Variants in EYA3 observed in about 807,000 individuals in gnomAD.
EYA3 encodes the protein protein phosphatase EYA3.
A neutral mutation model predicts 80.0 loss-of-function variants in EYA3; 39 were observed. The observed-to-expected ratio is 0.49, with a 90% CI of 0.38 to 0.64. The LOEUF (loss-of-function observed/expected upper bound fraction) is 0.64. EYA3 is among the 30% of genes least tolerant of loss of function. The pLI, the probability that EYA3 is intolerant of heterozygous loss-of-function variation, is 0.00. For missense variants in EYA3, 523 were observed against 676.1 expected (o/e 0.77, Z 2.51); for synonymous variants, 206 against 232.8 (o/e 0.88, Z 1.05).
chr1:28,052,209 C>A (rs1557620392), intron 2 of EYA3, among the ~76,000 whole-genome samples: 1 of 152,088 alleles, frequency 6.6e-6, no homozygotes, highest in Non-Finnish European at 1.5e-5. Context: ...TGGGGTTTCA[C>A]CATGTTGGCC....
chr1:28,076,324 T>G (rs1406354572), intron 1 of EYA3, among the ~76,000 whole-genome samples: 4 of 152,214 alleles, frequency 2.6e-5, no homozygotes, highest in African/African-American at 9.6e-5. Flanking sequence ...AACAAAACAC[T>G]GTCAGAACTT....
chr1:28,009,666 C>CAACAACAAA lies in EYA3; in HGVS notation c.909+1280_909+1281insTTTGTTGTT, dbSNP rs1243690052. The stretch of plus-strand genomic sequence containing the variant: ...ACAACAACAACAACAACAACAACAA[C>CAACAACAAA]AAAAAACCATTATGGTAAATGAAAT... On this transcript the variant is annotated intron_variant, in intron 10 of 17. Coordinates refer to ENST00000373871, the MANE Select transcript of EYA3 (RefSeq NM_001990.4). This position sits in a 1 kb window ranked among gnomAD's most constrained non-coding sequence, Gnocchi z 4.8. Among the ~76,000 whole-genome samples the CAACAACAAA allele has an allele frequency of 6.6e-6, 1 of 151,940 alleles. No homozygotes were observed. The highest frequency in any genetic ancestry group is 2.4e-5 in the African/African-American group (1 of 41,382).
chr1:28,073,756 T>C (rs1221250528), intron 1 of EYA3, among the ~76,000 whole-genome samples: 1 of 152,168 alleles, frequency 6.6e-6, no homozygotes, highest in Admixed American at 6.6e-5. Flanking sequence ...CGATGTGGTT[T>C]TACAAAATTG....
At chr1:27,980,830 A>G (rs1300705774) in intron 16 of EYA3, among the ~76,000 whole-genome samples, 2 of 152,208 alleles carry the variant, frequency 1.3e-5, no homozygotes, top group South Asian at 2.1e-4. Flanking sequence ...CTTGAGCACA[A>G]GAGTTTGAGA....
intron 1 of EYA3, among the ~76,000 whole-genome samples, chr1:28,084,800 G>A (rs903005770): frequency 1.3e-5 from 2 of 150,152 alleles, no homozygotes; most frequent in East Asian, 2.0e-4. Context: ...GTAGAGATGG[G>A]GTTTCACCGT....
At chr1:28,001,547 G>C (rs971206257) in intron 11 of EYA3, among the ~76,000 whole-genome samples, 8 of 150,368 alleles carry the variant, frequency 5.3e-5, no homozygotes, top group Middle Eastern at 6.8e-3. Flanking sequence ...AGGGGATCAA[G>C]ACCATCCTGG....
chr1:28,037,354 G>C (rs953492227), intron 5 of EYA3, among the ~76,000 whole-genome samples: 1 of 152,178 alleles, frequency 6.6e-6, no homozygotes, highest in African/African-American at 2.4e-5. Flanking sequence ...ATGAATAAAT[G>C]AATTTGGAAT....
chr1:28,048,381 A>G lies in EYA3; in HGVS notation c.77+2T>C. ...ATTAAAAAGAAAGCAAACTTTACAT[A>G]CCTTATAGTTTGCTCTCCTGATTCC... is the stretch of plus-strand genomic sequence containing the variant. On this transcript the variant is annotated splice_donor_variant, in intron 3 of 17. Transcript: ENST00000373871. LOFTEE classifies it high-confidence loss of function. The G allele has an allele frequency of 6.2e-7, 1 of 1,604,110 alleles. No individual in the cohort carries two copies. The highest frequency in any genetic ancestry group is 1.1e-5 in the South Asian group (1 of 89,474).
intron 16 of EYA3, among the ~76,000 whole-genome samples, chr1:27,985,330 C>T (rs1639581465): frequency 6.6e-6 from 1 of 152,108 alleles, no homozygotes; most frequent in Non-Finnish European, 1.5e-5. Flanking sequence ...CCTTCTGCCT[C>T]AGCCTCTCAA....
At chr1:28,057,622 T>C (rs919753429) in intron 2 of EYA3, among the ~76,000 whole-genome samples, 3 of 152,158 alleles carry the variant, frequency 2.0e-5, no homozygotes. Flanking sequence ...ACTTCCTCAC[T>C]ACTACTACTT....
chr1:28,053,166 A>G lies in EYA3; in HGVS notation c.34-4740T>C, dbSNP rs1437392895. Among the ~76,000 whole-genome samples the G allele has an allele frequency of 1.2e-4, 18 of 151,150 alleles. No homozygotes were observed. The East Asian group carries it at 3.3e-3, about 28-fold the overall frequency. On this transcript the variant is annotated intron_variant, in intron 2 of 17. Coordinates refer to ENST00000373871, the MANE Select transcript of EYA3 (RefSeq NM_001990.4). Reference sequence around the variant, plus strand: ...GAGACCCCGTCTCAAAAAAAAAAAAAAAAAAAAAAAAACAGAAAAAGAAAA... The same window carrying G: ...GAGACCCCGTCTCAAAAAAAAAAAAGAAAAAAAAAAAACAGAAAAAGAAAA...
intron 16 of EYA3, among the ~76,000 whole-genome samples, chr1:27,982,318 ATT>A (rs1217970776): frequency 6.6e-6 from 1 of 151,586 alleles, no homozygotes; most frequent in Admixed American, 6.6e-5. Flanking sequence ...AATTAAAAAA[ATT>A]TTTTTTGTAG....
At chr1:28,065,461 C>T (rs796359411) in intron 1 of EYA3, among the ~76,000 whole-genome samples, 169 of 151,726 alleles carry the variant, frequency 1.1e-3, no homozygotes, top group African/African-American at 4.0e-3. Context: ...TTAGTAGAGA[C>T]GGGGTTTCAG....
chr1:28,084,595 A>ATTTT (rs869103612), intron 1 of EYA3, among the ~76,000 whole-genome samples: 6 of 15,222 alleles, frequency 3.9e-4, no homozygotes, highest in Non-Finnish European at 6.4e-4. Flanking sequence ...ATATATATAT[A>ATTTT]TTTTTTTTTT....
chr1:28,041,493 T>C (rs1021563117), intron 4 of EYA3, among the ~76,000 whole-genome samples: 2 of 151,728 alleles, frequency 1.3e-5, no homozygotes, highest in Non-Finnish European at 2.9e-5. Flanking sequence ...GCGGAGGTTG[T>C]AGTGAGTCGA....
chr1:28,014,926 G>T (rs1370845200), intron 8 of EYA3, among the ~76,000 whole-genome samples: 3 of 152,132 alleles, frequency 2.0e-5, no homozygotes, highest in Admixed American at 2.0e-4. Context: ...CACTGATAAT[G>T]ATGGCAAGTA....
chr1:28,035,570 G>A lies in EYA3; in HGVS notation c.335C>T (p.Thr112Ile). ...AAAAGGAGGTAGTCCATACGTTTGG[G>A]TTGCCTGAGGGTAGACAGCATAGGG... ...TQPYAVYPQATQTYGLPPFGA... is the reference protein window; with the variant it reads ...TQPYAVYPQAIQTYGLPPFGA... The change falls in exon 6 of 18, where the codon ACC (threonine) becomes ATC (isoleucine). Residue 112 changes from threonine to isoleucine, a missense_variant. Physicochemically the swap from Thr to Ile is moderately conservative, Grantham distance 89 (BLOSUM62 -1). Coordinates refer to ENST00000373871, the MANE Select transcript of EYA3 (RefSeq NM_001990.4). The A allele has an allele frequency of 6.2e-7, 1 of 1,614,062 alleles. No homozygotes were observed. The highest frequency in any genetic ancestry group is 8.5e-7 in the Non-Finnish European group (1 of 1,179,978).
intron 6 of EYA3, among the ~76,000 whole-genome samples, chr1:28,029,486 C>T (rs1642986558): frequency 6.6e-6 from 1 of 152,060 alleles, no homozygotes; most frequent in Admixed American, 6.6e-5. Context: ...CAAAGCTTTG[C>T]ATCTGCATGA....
intron 1 of EYA3, among the ~76,000 whole-genome samples, chr1:28,062,093 C>T (rs1439147083): frequency 3.3e-5 from 5 of 152,024 alleles, no homozygotes; most frequent in Admixed American, 2.0e-4. Flanking sequence ...AGACATGCCC[C>T]GAGTTAATCT....
Sources: gnomAD v4.1 joint callset for allele counts (sites outside exome capture counted in the v4.1 genomes callset) on GRCh38, gnomAD v4.1.1 for gene constraint, Gnocchi (gnomAD v3.1) non-coding constraint, MANE v1.5 for transcripts, NCBI Gene and HGNC (gene_info 2026-07-23, HGNC 2026-07-21) for gene names.